Variants in VCL observed in about 807,000 individuals in gnomAD.
VCL encodes the protein epididymis luminal protein 114.
A neutral mutation model predicts 125.7 loss-of-function variants in VCL; 47 were observed. The observed-to-expected ratio is 0.37, with a 90% CI of 0.30 to 0.48. The LOEUF is 0.48. VCL is among the 20% of genes least tolerant of loss of function. The pLI is 0.99. For missense variants in VCL, 1,069 were observed against 1,455.5 expected (o/e 0.73, Z 4.32); for synonymous variants, 458 against 514.6 (o/e 0.89, Z 1.49).
At chr10:74,050,646 G>A (rs1277269478) in intron 2 of VCL, among the ~76,000 whole-genome samples, 1 of 152,144 alleles carries the variant, frequency 6.6e-6, no homozygotes, top group Non-Finnish European at 1.5e-5. Context: ...AAAGTGCCCA[G>A]AATATCTTTT....
intron 2 of VCL, among the ~76,000 whole-genome samples, chr10:74,045,101 G>A (rs1302018909): frequency 6.6e-6 from 1 of 152,080 alleles, no homozygotes; most frequent in Non-Finnish European, 1.5e-5. Context: ...AGCTGGGGAA[G>A]TTAAGGCTGC....
intron 2 of VCL, among the ~76,000 whole-genome samples, chr10:74,043,867 G>T (rs1841144822): frequency 6.6e-6 from 1 of 151,908 alleles, no homozygotes; most frequent in Admixed American, 6.6e-5. Context: ...CAGCACTTTG[G>T]GAGGCCAAGG....
intron 6 of VCL, among the ~76,000 whole-genome samples, chr10:74,078,420 A>AT (rs1033334893): frequency 2.0e-5 from 3 of 149,688 alleles, no homozygotes; most frequent in Admixed American, 6.6e-5. Flanking sequence ...GATTTGTTAA[A>AT]TTAAAAAAAG....
At chr10:74,092,898 A>G (rs1371547471) in intron 10 of VCL, among the ~76,000 whole-genome samples, 1 of 152,158 alleles carries the variant, frequency 6.6e-6, no homozygotes, top group Non-Finnish European at 1.5e-5. Context: ...AATCTAATTG[A>G]GTGCCTTGCC....
chr10:74,109,927 A>G (rs1840194327), intron 18 of VCL, among the ~76,000 whole-genome samples: 1 of 152,104 alleles, frequency 6.6e-6, no homozygotes, highest in Non-Finnish European at 1.5e-5. Flanking sequence ...CTAGATCTTT[A>G]TTCCCACCAC....
At position 74,112,042 on chromosome 10, in the gene VCL, A is replaced by T; in HGVS notation, c.2879A>T (p.Gln960Leu). 6.2e-7 allele frequency: 1 copy of T among 1,614,186 alleles called. No homozygotes were observed. Among genetic ancestry groups the T allele is most frequent in the East Asian group, 2.2e-5 (1 of 44,868 alleles). The part of the protein sequence containing the change: ...EPELLLMPSN[Q>L]PVNQPILAAA... The stretch of plus-strand genomic sequence containing the variant: ...GAGCTGCTGTTAATGCCATCCAATC[A>T]GCCGGTCAACCAGCCCATTCTGGCC... The change falls in exon 19 of 22, where the codon CAG (glutamine) becomes CTG (leucine). Residue 960 changes from glutamine (Q) to leucine (L), a missense_variant. Gln to Leu is a moderately radical substitution (Grantham distance 113). Coordinates refer to ENST00000211998, the MANE Select transcript of VCL (RefSeq NM_014000.3).
intron 11 of VCL, among the ~76,000 whole-genome samples, chr10:74,095,063 T>C (rs554601466): frequency 6.6e-6 from 1 of 152,340 alleles, no homozygotes; most frequent in South Asian, 2.1e-4. Context: ...AATTTGGTAT[T>C]AGATGTCAAG....
chr10:74,072,773 GCTCA>G lies in VCL; in HGVS notation c.549_552del (p.His184ArgfsTer5). 6.2e-7 allele frequency: 1 copy of G among 1,614,092 alleles called. No homozygotes were observed. Among genetic ancestry groups the G allele is most frequent in the Non-Finnish European group, 8.5e-7 (1 of 1,180,006 alleles). ...AGATGATTGACGAGAGACAGCAGGA[GCTCA>G]CTCACCAGGAGCACCGAGTGATGTT... On this transcript the variant is annotated frameshift_variant, in exon 5 of 22. Transcript: ENST00000211998. LOFTEE classifies it high-confidence loss of function.
chr10:74,115,271 G>T (rs1481508010), intron 21 of VCL, among the ~76,000 whole-genome samples: 1 of 152,026 alleles, frequency 6.6e-6, no homozygotes, highest in Non-Finnish European at 1.5e-5. Context: ...AGCCAGGTGT[G>T]GTGGTGTGCA....
intron 1 of VCL, among the ~76,000 whole-genome samples, chr10:73,999,696 A>G (rs1340191371): frequency 2.6e-5 from 4 of 152,126 alleles, no homozygotes; most frequent in African/African-American, 9.7e-5. Context: ...GGGTCCCTGG[A>G]CTGTCTCAAG....
At chr10:74,103,958 T>C (rs1273029261) in intron 15 of VCL, 30 bp downstream of exon 15, 11 of 1,601,624 alleles carry the variant, frequency 6.9e-6, no homozygotes, top group East Asian at 2.2e-5. Context: ...TCTTGTTGTC[T>C]AATCCATGAA....
At chr10:74,056,105 A>G (rs1052959050) in intron 2 of VCL, among the ~76,000 whole-genome samples, 2 of 151,972 alleles carry the variant, frequency 1.3e-5, no homozygotes, top group African/African-American at 4.8e-5. Flanking sequence ...ATTTGAAGTC[A>G]AAACTGGCTG....
intron 6 of VCL, among the ~76,000 whole-genome samples, chr10:74,078,552 C>T (rs1839630339): frequency 6.6e-6 from 1 of 152,140 alleles, no homozygotes; most frequent in Non-Finnish European, 1.5e-5. Context: ...TATTTTATCT[C>T]CCTGCTCCCC....
intron 8 of VCL, among the ~76,000 whole-genome samples, chr10:74,087,625 G>A (rs939296978): frequency 2.0e-5 from 3 of 148,892 alleles, no homozygotes; most frequent in Admixed American, 6.7e-5. Context: ...CTCCCAAAGT[G>A]CTGGGATTAC....
rs1474600463 is a variant in VCL at position 74,097,397 on chromosome 10, G to A, written c.1872+65G>A. ...CTATAGGTATATGTAAAGGTGAAAT[G>A]TGATTACAGTGGACATCAGGATCAG... On this transcript the variant is annotated intron_variant, in intron 13 of 21. Coordinates refer to ENST00000211998, the MANE Select transcript of VCL (RefSeq NM_014000.3). The surrounding 1 kb of genome is among the most constrained non-coding windows in gnomAD (Gnocchi z 4.1). 8 of 1,589,996 alleles carry A rather than the reference G, an allele frequency of 5.0e-6. No individual in the cohort carries two copies. The highest frequency in any genetic ancestry group is 6.8e-6 in the Non-Finnish European group (8 of 1,170,938).
chr10:74,093,550 AG>A (rs1839921672), intron 10 of VCL, among the ~76,000 whole-genome samples: 1 of 152,106 alleles, frequency 6.6e-6, no homozygotes, highest in Non-Finnish European at 1.5e-5. Context: ...GGACTCTGGG[AG>A]GCCCAGGTGG....
At chr10:74,018,616 G>C (rs1840604695) in intron 1 of VCL, among the ~76,000 whole-genome samples, 1 of 152,116 alleles carries the variant, frequency 6.6e-6, no homozygotes, top group African/African-American at 2.4e-5. Context: ...GAATGGGGAA[G>C]CTTTAGTAAT....
At chr10:74,109,576 C>CTTTTT (rs3037358) in intron 18 of VCL, among the ~76,000 whole-genome samples, 3 of 147,352 alleles carry the variant, frequency 2.0e-5, no homozygotes, top group African/African-American at 2.5e-5. Flanking sequence ...TTTGCATTTT[C>CTTTTT]TTTTTTTTTC....
At chr10:74,106,994 C>T (rs1840145714) in intron 16 of VCL, among the ~76,000 whole-genome samples, 1 of 152,300 alleles carries the variant, frequency 6.6e-6, no homozygotes, top group African/African-American at 2.4e-5. Context: ...TTTAGTTGTA[C>T]AGCCAAGAAG....
Sources: allele counts gnomAD v4.1 joint callset (sites outside exome capture counted in the v4.1 genomes callset), GRCh38; gene constraint gnomAD v4.1.1; non-coding constraint Gnocchi (gnomAD v3.1); transcripts MANE v1.5; gene names NCBI Gene and HGNC (gene_info 2026-07-23, HGNC 2026-07-21).